The following PCLO variants were observed in gnomAD, a reference collection of about 807,000 sequenced individuals.
The protein encoded by PCLO is protein piccolo.
In PCLO, 82 loss-of-function variants were observed where a neutral mutation model predicts 427.5. That is an observed-to-expected ratio of 0.19 (90% CI 0.16 to 0.23). The LOEUF is 0.23. Ranked by LOEUF, PCLO falls within the 10% of genes least tolerant of loss-of-function variation. The pLI, the probability that PCLO is intolerant of heterozygous loss-of-function variation, is 1.00. For missense variants in PCLO, 6,239 were observed against 6,115.9 expected, an observed-to-expected ratio of 1.02 and a Z score of -0.67; for synonymous variants, 2,357 against 2,155.4, an observed-to-expected ratio of 1.09 and a Z score of -2.59.
chr7:83,157,917 GAC>G (rs1792340515), intron 1 of PCLO, among the ~76,000 whole-genome samples: 1 of 151,978 alleles, frequency 6.6e-6, no homozygotes, highest in African/African-American at 2.4e-5. Context: ...CTGCTAATGA[GAC>G]AGACTACAAA....
intron 6 of PCLO, among the ~76,000 whole-genome samples, chr7:82,939,289 C>T (rs558346230): frequency 3.3e-5 from 5 of 152,056 alleles, no homozygotes; most frequent in African/African-American, 4.8e-5. Flanking sequence ...AGATCATTAG[C>T]AATTTGAAGA....
chr7:83,081,243 C>T (rs12667413), intron 3 of PCLO, among the ~76,000 whole-genome samples: 42,801 of 151,738 alleles, frequency 0.28, 7,119 homozygotes, highest in East Asian at 0.56. Flanking sequence ...TACTACAAGA[C>T]CAGGACCTCA....
chr7:83,035,872 G>A (rs1315360363), intron 3 of PCLO, among the ~76,000 whole-genome samples: 1 of 151,992 alleles, frequency 6.6e-6, no homozygotes, highest in African/African-American at 2.4e-5. Flanking sequence ...ACTCCACAAG[G>A]TTAGCCCCGT....
chr7:83,083,625 TCAC>T lies in PCLO; in HGVS notation c.3300+50622_3300+50624del, dbSNP rs531551645. Among the ~76,000 whole-genome samples, 1,288 of 152,154 alleles carry T rather than the reference TCAC, an allele frequency of 8.5e-3. 12 individuals carry two copies. The highest frequency in any genetic ancestry group is 0.014 in the Non-Finnish European group (931 of 67,956). On this transcript the variant is annotated intron_variant, in intron 3 of 24. Coordinates refer to ENST00000333891, the MANE Select transcript of PCLO (RefSeq NM_033026.6). ...CAATATTTTCATGGATAAATTATAATCACCACATTTCAAGCAGATGGTAAATGA... is the reference window on the plus strand; with the variant it reads ...CAATATTTTCATGGATAAATTATAATCACATTTCAAGCAGATGGTAAATGA...
chr7:82,902,092 C>T (rs1182538827), intron 9 of PCLO, among the ~76,000 whole-genome samples: 2 of 151,650 alleles, frequency 1.3e-5, no homozygotes, highest in African/African-American at 2.4e-5. Flanking sequence ...ACCCAAAGGA[C>T]TATAAATCAT....
At chr7:82,778,131 A>C (rs1201076196) in intron 22 of PCLO, among the ~76,000 whole-genome samples, 3 of 152,232 alleles carry the variant, frequency 2.0e-5, no homozygotes, top group Admixed American at 2.0e-4. Flanking sequence ...ATTTCAAAAA[A>C]AGACTTTCAT....
Position 82,756,187 on chromosome 7 carries a change from G to A in PCLO, c.*2388C>T, listed in dbSNP as rs189141358. On this transcript the variant is annotated 3_prime_UTR_variant, in exon 25 of 25. Coordinates refer to ENST00000333891, the MANE Select transcript of PCLO (RefSeq NM_033026.6). ...TATGAGTGGCTGCAAAAGAGGATCA[G>A]AGATGAGTCAGGGTTTTCTTTTAAG... The A allele has an allele frequency of 6.6e-6, 1 of 152,202 alleles. No individual in the cohort carries two copies. The highest frequency in any genetic ancestry group is 1.9e-4 in the East Asian group (1 of 5,162). The allele number at this position is 152,202 out of a possible 1,614,324, so 9.4% of individuals were successfully genotyped here.
chr7:83,050,392 T>C (rs1411724068), intron 3 of PCLO, among the ~76,000 whole-genome samples: 5 of 151,682 alleles, frequency 3.3e-5, no homozygotes, highest in Non-Finnish European at 1.5e-5. Flanking sequence ...ACTATTAATC[T>C]ATATACTATT....
intron 3 of PCLO, among the ~76,000 whole-genome samples, chr7:83,133,449 A>G (rs1273809692): frequency 2.0e-5 from 3 of 152,056 alleles, no homozygotes; most frequent in Non-Finnish European, 4.4e-5. Flanking sequence ...TAGCCCTAAC[A>G]TGCTATTAAT....
In PCLO at chr7:82,915,843, A is replaced by G. The variant is rs1044237937; in HGVS notation, c.12143T>C (p.Leu4048Pro). ...GGTGATCTCTCCAATGTCGTCAATT[A>G]GGACATAATTTCGTGGAGTATGGTG... Reference protein sequence around the residue: ...IDHHTPRNYVLIDDIGEITKG... With the variant: ...IDHHTPRNYVPIDDIGEITKG... Residue 4048 changes from leucine (L) to proline (P), a missense_variant, in exon 7 of 25, where the codon CTA (leucine) becomes CCA (proline). Coordinates refer to ENST00000333891, the MANE Select transcript of PCLO (RefSeq NM_033026.6). The G allele has an allele frequency of 1.9e-6, 3 of 1,613,602 alleles. No homozygotes were observed. Among genetic ancestry groups the G allele is most frequent in the Non-Finnish European group, 2.5e-6 (3 of 1,179,752 alleles).
At chr7:83,127,448 T>G (rs2116589079) in intron 3 of PCLO, among the ~76,000 whole-genome samples, 1 of 152,238 alleles carries the variant, frequency 6.6e-6, no homozygotes, top group South Asian at 2.1e-4. Context: ...ATAGATAAGA[T>G]ATCACTTTCA....
At chr7:82,780,757 C>T (rs1403775437) in intron 22 of PCLO, among the ~76,000 whole-genome samples, 2 of 152,132 alleles carry the variant, frequency 1.3e-5, no homozygotes, top group Non-Finnish European at 2.9e-5. Flanking sequence ...TCTTCTAAGC[C>T]CACATATGTC....
chr7:82,920,491 G>A (rs1030711772), intron 6 of PCLO, among the ~76,000 whole-genome samples: 1 of 151,132 alleles, frequency 6.6e-6, no homozygotes. Context: ...CAAAGAGAAG[G>A]GAATAAAAAG....
chr7:83,098,673 C>T (rs569476644), intron 3 of PCLO, among the ~76,000 whole-genome samples: 46 of 152,216 alleles, frequency 3.0e-4, no homozygotes, highest in African/African-American at 1.1e-3. Context: ...TAACTCTCTG[C>T]TCTCTATGAT....
intron 10 of PCLO, among the ~76,000 whole-genome samples, chr7:82,866,965 A>C (rs1562826641): frequency 1.3e-5 from 2 of 152,176 alleles, no homozygotes; most frequent in African/African-American, 4.8e-5. Flanking sequence ...TGTAAGCTCC[A>C]TTTAGTCATG....
chr7:82,823,467 T>C (rs1052806751), intron 19 of PCLO, among the ~76,000 whole-genome samples: 3 of 152,116 alleles, frequency 2.0e-5, no homozygotes, highest in Non-Finnish European at 4.4e-5. Flanking sequence ...TACTTACAAA[T>C]AGTTCAGTAT....
rs1013449597 is a variant in PCLO, at chr7:82,955,509, C to G, written c.5444G>C (p.Arg1815Pro). The G allele has an allele frequency of 6.2e-7, 1 of 1,613,758 alleles. No individual in the cohort carries two copies. ...KKSKKDKDEL[R>P]AQRRRERPKT... ...TGGCCTTTCCCTTCTTCTCTGAGCTCGAAGTTCATCTTTGTCTTTCTTTGA... is the reference window on the plus strand; with the variant it reads ...TGGCCTTTCCCTTCTTCTCTGAGCTGGAAGTTCATCTTTGTCTTTCTTTGA... Residue 1815 changes from arginine to proline, a missense_variant, in exon 5 of 25, where the codon CGA (arginine) becomes CCA (proline). Physicochemically the swap from Arg to Pro is moderately radical, Grantham distance 103. Coordinates refer to ENST00000333891, the MANE Select transcript of PCLO (RefSeq NM_033026.6).
rs932300919 is a variant in PCLO, at chr7:83,142,734, G to A, written c.1894-7078C>T. Among the ~76,000 whole-genome samples the A allele has an allele frequency of 1.2e-4, 19 of 152,210 alleles. 3 individuals are homozygous for A. The highest frequency in any genetic ancestry group is 5.8e-4 in the East Asian group (3 of 5,166). On this transcript the variant is annotated intron_variant, in intron 2 of 24. Coordinates refer to ENST00000333891, the MANE Select transcript of PCLO (RefSeq NM_033026.6). ...AGCACTTTGGGAGGCCAAAGCAGGCGGATCACCTGAGGTCAGGAGTCCAAA... is the reference window on the plus strand; with the variant it reads ...AGCACTTTGGGAGGCCAAAGCAGGCAGATCACCTGAGGTCAGGAGTCCAAA...
At chr7:83,147,457 T>A (rs1013993287) in intron 2 of PCLO, among the ~76,000 whole-genome samples, 5 of 152,114 alleles carry the variant, frequency 3.3e-5, no homozygotes, top group African/African-American at 1.2e-4. Context: ...AGAATCTAGG[T>A]ACTTTATTTT....
Sources: gnomAD v4.1 joint callset for allele counts (sites outside exome capture counted in the v4.1 genomes callset) on GRCh38, gnomAD v4.1.1 for gene constraint, MANE v1.5 for transcripts, NCBI Gene and HGNC (gene_info 2026-07-23, HGNC 2026-07-21) for gene names.